The following LDB1 variants were observed in gnomAD, a reference collection of about 807,000 sequenced individuals.
The protein encoded by LDB1 is LIM domain-binding protein 1.
In LDB1, 6 loss-of-function variants were observed where a neutral mutation model predicts 49.7. The observed-to-expected ratio is 0.12, with a 90% confidence interval of 0.07 to 0.24. The LOEUF (loss-of-function observed/expected upper bound fraction) is 0.24. LDB1 is among the 10% of genes least tolerant of loss of function. The pLI is 1.00. For synonymous variants in LDB1, 233 were observed against 202.0 expected (o/e 1.15, Z -1.30); for missense variants, 341 against 561.7 (o/e 0.61, Z 3.97).
chr10:102,108,872 G>A, intron 10 of LDB1, 157 bp downstream of exon 10: 1 of 962,122 alleles, frequency 1.0e-6, no homozygotes, highest in Non-Finnish European at 1.6e-6. Flanking sequence ...TGCCTGACAA[G>A]AACTCTCTCA....
At position 102,112,125 on chromosome 10, in the gene LDB1, T is replaced by C. The variant is rs369454727; in HGVS notation, c.26-589A>G. On this transcript the variant is annotated intron_variant, in intron 1 of 10. Coordinates refer to ENST00000673968, the MANE Select transcript of LDB1 (RefSeq NM_001113407.3). ...TGAGTCCTAGATGACAGAAGAGGAA[T>C]TGAAGCTGGGAAGAATGATTACAGA... Among the ~76,000 whole-genome samples, 4 of 152,214 alleles carry C rather than the reference T, an allele frequency of 2.6e-5. No homozygotes were observed. In the South Asian group the frequency reaches 6.2e-4, roughly 24 times the overall value.
At chr10:102,120,848 C>T (rs2068411483), upstream of LDB1, among the ~76,000 whole-genome samples, 3 of 152,138 alleles carry the variant, frequency 2.0e-5, no homozygotes, top group South Asian at 6.2e-4. Context: ...TGGTGTATCT[C>T]TCTCCACCCC....
chr10:102,111,678 TC>T, intron 1 of LDB1, 142 bp from the exon 2 acceptor site: 1 of 524,518 alleles, frequency 1.9e-6, no homozygotes, highest in Non-Finnish European at 3.4e-6. Flanking sequence ...TAGCGAGACC[TC>T]GTCTCTAAAA....
intron 1 of LDB1, among the ~76,000 whole-genome samples, chr10:102,116,752 T>G (rs1230664864): frequency 6.6e-6 from 1 of 152,038 alleles, no homozygotes; most frequent in Non-Finnish European, 1.5e-5. Context: ...AACCCCAGCT[T>G]TCACAAACAT....
chr10:102,114,655 AG>A, intron 1 of LDB1: 4 of 843,140 alleles, frequency 4.7e-6, no homozygotes, highest in Non-Finnish European at 5.7e-6. Context: ...GCCGGGGGCC[AG>A]GGGGCCGGCC....
intron 1 of LDB1, among the ~76,000 whole-genome samples, chr10:102,118,645 T>C (rs1190593147): frequency 6.6e-6 from 1 of 152,194 alleles, no homozygotes; most frequent in African/African-American, 2.4e-5. Context: ...CTCATCCCTC[T>C]AGCTTGTTCA....
rs2068184631 is a variant in LDB1 at position 102,107,755 on chromosome 10, G to C, written c.*338C>G. 1 of 366,182 alleles carries C rather than the reference G, an allele frequency of 2.7e-6. No homozygotes were observed. Among genetic ancestry groups the C allele is most frequent in the Non-Finnish European group, 5.1e-6 (1 of 196,576 alleles). 22.7% of individuals were successfully genotyped at this position (366,182 alleles called of 1,614,324 possible). On this transcript the variant is annotated 3_prime_UTR_variant, in exon 11 of 11. Transcript: ENST00000673968. ...ATAGACAACCCCAGGCTTGAAAGGG[G>C]TAAAGTCAGGGGGATGGGAAACCCA...
intron 1 of LDB1, among the ~76,000 whole-genome samples, chr10:102,113,978 G>A (rs192985027): frequency 1.3e-5 from 2 of 152,318 alleles, no homozygotes; most frequent in Admixed American, 6.5e-5. Flanking sequence ...GAGAAGGGGA[G>A]GGACATCACC....
rs753572810 is a variant in LDB1, at chr10:102,109,228, T to A, written c.857-51A>T. On this transcript the variant is annotated intron_variant, in intron 9 of 10. Coordinates refer to ENST00000673968, the MANE Select transcript of LDB1 (RefSeq NM_001113407.3). The surrounding 1 kb of genome is among the most constrained non-coding windows in gnomAD (Gnocchi z 5.8). Reference sequence around the variant, plus strand: ...TGGGAGAGGGCCCCAGGTCCCCTATTCTCCATTGTGGCTCCCAAGGAGCAT... The same window carrying A: ...TGGGAGAGGGCCCCAGGTCCCCTATACTCCATTGTGGCTCCCAAGGAGCAT... The A allele has an allele frequency of 6.2e-7, 1 of 1,611,180 alleles. No homozygotes were observed. Among genetic ancestry groups the A allele is most frequent in the Non-Finnish European group, 8.5e-7 (1 of 1,179,276 alleles).
In LDB1 at chr10:102,106,599, G is replaced by C. The variant is rs956591788; in HGVS notation, c.*1494C>G. ...AAAAAAAAAAAGGCATTACAGTTGG[G>C]ATGGGATGTCCACCTTCCTCACCCC... is the stretch of plus-strand genomic sequence containing the variant. On this transcript the variant is annotated 3_prime_UTR_variant, in exon 11 of 11. Coordinates refer to ENST00000673968, the MANE Select transcript of LDB1 (RefSeq NM_001113407.3). 1.4e-5 allele frequency among the ~76,000 whole-genome samples: 2 copies of C among 138,520 alleles called. No homozygotes were observed. Among genetic ancestry groups the C allele is most frequent in the Non-Finnish European group, 3.1e-5 (2 of 65,260 alleles). The allele number at this position is 138,520 out of a possible 152,430, so 90.9% of individuals were successfully genotyped here. A position where few individuals can be genotyped will look rare whatever the true frequency, so the allele number is the denominator to read the frequency against.
At position 102,109,511 on chromosome 10, in the gene LDB1, G is replaced by C; in HGVS notation, c.733-4C>G. 6.2e-7 allele frequency: 1 copy of C among 1,614,164 alleles called. No homozygotes were observed. Among genetic ancestry groups the C allele is most frequent in the Non-Finnish European group, 8.5e-7 (1 of 1,180,024 alleles). On this transcript the variant is annotated splice_polypyrimidine_tract_variant and splice_region_variant and intron_variant, in intron 8 of 10. Transcript: ENST00000673968. The surrounding 1 kb of genome is among the most constrained non-coding windows in gnomAD (Gnocchi z 5.8). The stretch of plus-strand genomic sequence containing the variant: ...TGGGCTCGAGTATCACACAGAGCTA[G>C]GGGTAGACAAGGAGGTGGCTTGTCA...
chr10:102,104,769 C>G (rs1330311750), downstream of LDB1, among the ~76,000 whole-genome samples: 2 of 152,116 alleles, frequency 1.3e-5, no homozygotes, highest in Non-Finnish European at 2.9e-5. Context: ...TACAAATACC[C>G]AACCGAGTCA....
intron 1 of LDB1, chr10:102,114,802 C>T: frequency 1.0e-6 from 1 of 979,428 alleles, no homozygotes; most frequent in Non-Finnish European, 1.2e-6. Flanking sequence ...GCTGCCTCTG[C>T]CTCCGAGCAG....
At chr10:102,111,196 C>T (rs772890809) in intron 3 of LDB1, 52 bp from the exon 4 acceptor site, 2 of 1,610,550 alleles carry the variant, frequency 1.2e-6, no homozygotes, top group Admixed American at 1.7e-5. Context: ...GCCCCCTCCA[C>T]CCCCTACCTC....
chr10:102,106,653 C>G lies in LDB1; in HGVS notation c.*1440G>C, dbSNP rs1160390124. Among the ~76,000 whole-genome samples, 4 of 142,388 alleles carry G rather than the reference C, an allele frequency of 2.8e-5. No homozygotes were observed. Among genetic ancestry groups the G allele is most frequent in the Non-Finnish European group, 6.0e-5 (4 of 66,418 alleles). The allele number at this position is 142,388 out of a possible 152,430, so 93.4% of individuals were successfully genotyped here. On this transcript the variant is annotated 3_prime_UTR_variant, in exon 11 of 11. Transcript: ENST00000673968. ...CCTCAGCTCCTGACTCAATACCCTT[C>G]CAAAAGTGGCAGCTGGAGTGGAGGA...
Position 102,109,321 on chromosome 10 carries a change from A to G in LDB1, c.856+63T>C. On this transcript the variant is annotated intron_variant, in intron 9 of 10. Coordinates refer to ENST00000673968, the MANE Select transcript of LDB1 (RefSeq NM_001113407.3). This position sits in a 1 kb window ranked among gnomAD's most constrained non-coding sequence, Gnocchi z 5.8. ...AGGGGTGGGGAAAACTTCAAAAGGAAATAAAGATACAGCTTTGGGGAGCGG... is the reference window on the plus strand; with the variant it reads ...AGGGGTGGGGAAAACTTCAAAAGGAGATAAAGATACAGCTTTGGGGAGCGG... The G allele has an allele frequency of 6.2e-7, 1 of 1,609,590 alleles. No homozygotes were observed. Among genetic ancestry groups the G allele is most frequent in the South Asian group, 1.1e-5 (1 of 90,834 alleles).
Position 102,108,015 on chromosome 10 carries a change from T to C in LDB1, c.*78A>G. ...TGCCCATTTTAGATGCTCAGTCTCT[T>C]CATTCTGTCTTCTGCTCCCTGGGGC... is the stretch of plus-strand genomic sequence containing the variant. On this transcript the variant is annotated 3_prime_UTR_variant, in exon 11 of 11. Coordinates refer to ENST00000673968, the MANE Select transcript of LDB1 (RefSeq NM_001113407.3). The C allele has an allele frequency of 8.8e-7, 1 of 1,142,396 alleles. No individual in the cohort carries two copies. Among genetic ancestry groups the C allele is most frequent in the Non-Finnish European group, 1.3e-6 (1 of 766,686 alleles). The allele number at this position is 1,142,396 out of a possible 1,614,324, so 70.8% of individuals were successfully genotyped here. A position where few individuals can be genotyped will look rare whatever the true frequency, so the allele number is the denominator to read the frequency against.
chr10:102,109,950 G>A lies in LDB1; in HGVS notation c.619C>T (p.Leu207Phe), dbSNP rs749985868. The A allele has an allele frequency of 1.2e-6, 2 of 1,610,910 alleles. No individual in the cohort carries two copies. Among genetic ancestry groups the A allele is most frequent in the Non-Finnish European group, 1.7e-6 (2 of 1,179,880 alleles). Residue 207 changes from leucine to phenylalanine, a missense_variant, in exon 7 of 11, where the codon CTC (leucine) becomes TTC (phenylalanine). Physicochemically the swap from Leu to Phe is conservative, Grantham distance 22. Transcript: ENST00000673968. This position sits in a 1 kb window ranked among gnomAD's most constrained non-coding sequence, Gnocchi z 5.8. ...WHFSIRQHRE[L>F]IPRSILAMHA... ...ATGGCAAGGATGCTGCGGGGGATGA[G>A]CTCTCGGTGCTGCCGGATGCTGAAG...
rs558516308 is a variant in LDB1 at position 102,106,541 on chromosome 10, C to CAAAAAAAAAAAAAAAAAAAAAAAA, written c.*1528_*1551dup. On this transcript the variant is annotated 3_prime_UTR_variant, in exon 11 of 11. Transcript: ENST00000673968. The stretch of plus-strand genomic sequence containing the variant: ...GGTACCATACATGACTCAAATGGCC[C>CAAAAAAAAAAAAAAAAAAAAAAAA]AAAAAAAAAAAAAAAAAAAAAAAAA... Among the ~76,000 whole-genome samples the CAAAAAAAAAAAAAAAAAAAAAAAA allele has an allele frequency of 2.8e-4, 5 of 17,758 alleles. 2 individuals carry two copies. Among genetic ancestry groups the CAAAAAAAAAAAAAAAAAAAAAAAA allele is most frequent in the Non-Finnish European group, 5.3e-4 (5 of 9,520 alleles). The allele number at this position is 17,758 out of a possible 152,430, so 11.6% of individuals were successfully genotyped here. A position where few individuals can be genotyped will look rare whatever the true frequency, so the allele number is the denominator to read the frequency against.
Sources: allele counts gnomAD v4.1 joint callset (sites outside exome capture counted in the v4.1 genomes callset), GRCh38; gene constraint gnomAD v4.1.1; non-coding constraint Gnocchi (gnomAD v3.1); transcripts MANE v1.5; gene names NCBI Gene and HGNC (gene_info 2026-07-23, HGNC 2026-07-21).